Variants in MEGF10 observed in about 807,000 individuals in gnomAD.
MEGF10 encodes multiple EGF like domains 10.
Under a neutral mutation model 147.5 loss-of-function variants are expected in MEGF10, and 86 were observed. The observed-to-expected ratio is 0.58, with a 90% CI of 0.49 to 0.70. The LOEUF (loss-of-function observed/expected upper bound fraction) is 0.70, where lower values mean the gene tolerates loss of function less well. Among genes scored for constraint, MEGF10 ranks in the 30% least tolerant of loss-of-function variants. The pLI is 0.00. For synonymous variants in MEGF10, 478 were observed against 525.5 expected (o/e 0.91, Z 1.24); for missense variants, 1,329 against 1,487.3 (o/e 0.89, Z 1.75).
At chr5:127,437,592 C>G (rs1192914633) in intron 16 of MEGF10, among the ~76,000 whole-genome samples, 1 of 152,116 alleles carries the variant, frequency 6.6e-6, no homozygotes, top group Non-Finnish European at 1.5e-5. Context: ...TATTTTTTGT[C>G]AATGAAATTA....
At chr5:127,291,727 C>T (rs1432022059) in intron 1 of MEGF10, among the ~76,000 whole-genome samples, 5 of 151,856 alleles carry the variant, frequency 3.3e-5, no homozygotes, top group African/African-American at 9.7e-5. Flanking sequence ...CTTTTAAATT[C>T]CTTGTTAGAG....
the MEGF10 span, among the ~76,000 whole-genome samples, chr5:127,249,559 A>C: frequency 2.0e-5 from 3 of 152,116 alleles, no homozygotes; most frequent in African/African-American, 7.2e-5. Context: ...ATTTAATTAC[A>C]TTGAATGTAA....
chr5:127,394,339 T>C (rs1433964630), intron 5 of MEGF10, among the ~76,000 whole-genome samples: 1 of 152,176 alleles, frequency 6.6e-6, no homozygotes, highest in African/African-American at 2.4e-5. Context: ...CAGGCCAAGC[T>C]GCATTCACAT....
chr5:127,277,055 G>C, the MEGF10 span, among the ~76,000 whole-genome samples: 1 of 152,164 alleles, frequency 6.6e-6, no homozygotes, highest in African/African-American at 2.4e-5. Context: ...CAAAGTATCT[G>C]AAGTATAGAG....
intron 1 of MEGF10, among the ~76,000 whole-genome samples, chr5:127,294,534 C>T (rs1019725294): frequency 6.6e-6 from 1 of 152,130 alleles, no homozygotes; most frequent in Non-Finnish European, 1.5e-5. Context: ...CATGGTGCCT[C>T]ACGCCTGTAA....
intron 20 of MEGF10, 79 bp from the exon 21 acceptor site, chr5:127,447,478 G>T (rs925107241): frequency 6.3e-7 from 1 of 1,595,216 alleles, no homozygotes; most frequent in Non-Finnish European, 8.6e-7. Flanking sequence ...CGCTGGGCCT[G>T]TTTTGTTATT....
At chr5:127,450,230 T>C (rs1242515481) in intron 22 of MEGF10, among the ~76,000 whole-genome samples, 5 of 152,196 alleles carry the variant, frequency 3.3e-5, no homozygotes, top group Admixed American at 3.3e-4. Flanking sequence ...GGAAATAGTT[T>C]TGCAGCTGGG....
chr5:127,453,748 G>A (rs777437945), intron 22 of MEGF10, among the ~76,000 whole-genome samples: 4 of 152,148 alleles, frequency 2.6e-5, no homozygotes, highest in East Asian at 1.9e-4. Flanking sequence ...AATTTTGCAC[G>A]TATACACCAG....
intron 5 of MEGF10, among the ~76,000 whole-genome samples, chr5:127,386,106 T>C (rs1048400687): frequency 2.6e-5 from 4 of 152,202 alleles, no homozygotes; most frequent in Non-Finnish European, 5.9e-5. Flanking sequence ...AGAACCTGTC[T>C]CTAAAAACAA....
the MEGF10 span, among the ~76,000 whole-genome samples, chr5:127,247,342 AAGAAGAAG>A: frequency 6.2e-5 from 1 of 16,194 alleles, no homozygotes; most frequent in Non-Finnish European, 1.1e-4. Context: ...GAAGAAGAAG[AAGAAGAAG>A]AAGAAGAAGA....
chr5:127,363,225 A>G (rs755069194), intron 4 of MEGF10, among the ~76,000 whole-genome samples: 9 of 152,200 alleles, frequency 5.9e-5, no homozygotes, highest in Non-Finnish European at 1.0e-4. Flanking sequence ...GACTCACCTG[A>G]AAGATCGTTC....
the MEGF10 span, among the ~76,000 whole-genome samples, chr5:127,278,265 A>C: frequency 6.6e-6 from 1 of 152,176 alleles, no homozygotes; most frequent in Non-Finnish European, 1.5e-5. Context: ...TATTCAATGA[A>C]GGGAAGAGAA....
At chr5:127,245,573 A>G in the MEGF10 span, among the ~76,000 whole-genome samples, 1 of 152,240 alleles carries the variant, frequency 6.6e-6, no homozygotes. Flanking sequence ...CTAAAACACC[A>G]AACGCAATGG....
At chr5:127,230,202 C>A in the MEGF10 span, among the ~76,000 whole-genome samples, 1 of 152,088 alleles carries the variant, frequency 6.6e-6, no homozygotes, top group Non-Finnish European at 1.5e-5. Context: ...CATCAGCAGC[C>A]ATTCCATCCC....
At chr5:127,407,509 C>T (rs1234309202) in intron 8 of MEGF10, among the ~76,000 whole-genome samples, 1 of 152,122 alleles carries the variant, frequency 6.6e-6, no homozygotes, top group East Asian at 1.9e-4. Context: ...AATGCTTATC[C>T]ATTCTTACCA....
At chr5:127,292,346 A>G (rs1378054054) in intron 1 of MEGF10, among the ~76,000 whole-genome samples, 1 of 152,222 alleles carries the variant, frequency 6.6e-6, no homozygotes, top group African/African-American at 2.4e-5. Context: ...GACAATTGTT[A>G]AAGGGATTAA....
intron 1 of MEGF10, among the ~76,000 whole-genome samples, chr5:127,299,140 T>G (rs1392967129): frequency 6.6e-6 from 1 of 152,192 alleles, no homozygotes; most frequent in Admixed American, 6.5e-5. Context: ...CTTATCTGAT[T>G]GCAGGATTTT....
chr5:127,230,418 G>A, the MEGF10 span, among the ~76,000 whole-genome samples: 1 of 152,086 alleles, frequency 6.6e-6, no homozygotes, highest in Admixed American at 6.6e-5. Context: ...ACATCCAAGC[G>A]GGAAGGCAGA....
intron 1 of MEGF10, 107 bp from the exon 2 acceptor site, chr5:127,331,184 A>C: frequency 1.6e-6 from 1 of 624,722 alleles, no homozygotes. Flanking sequence ...CTTGTTATGC[A>C]CATTTCAGCC....
Sources: allele counts gnomAD v4.1 joint callset (sites outside exome capture counted in the v4.1 genomes callset), GRCh38; gene constraint gnomAD v4.1.1; transcripts MANE v1.5; gene names NCBI Gene and HGNC (gene_info 2026-07-23, HGNC 2026-07-21).